CDK5RAP1: variants seen among roughly 807,000 people sequenced by gnomAD.
The protein encoded by CDK5RAP1 is mitochondrial tRNA methylthiotransferase CDK5RAP1.
A neutral mutation model predicts 64.5 loss-of-function variants in CDK5RAP1; 62 were observed. The observed-to-expected ratio is 0.96, with a 90% CI of 0.78 to 1.19. CDK5RAP1 has a LOEUF of 1.19. CDK5RAP1 is among the 50% of genes most tolerant of loss of function. The probability of loss-of-function intolerance (pLI) is 0.00; values close to 1 mark genes in which losing one functional copy is unlikely to be tolerated. For synonymous variants in CDK5RAP1, 250 were observed against 261.9 expected, an observed-to-expected ratio of 0.95 and a Z score of 0.44; for missense variants, 657 against 735.0, an observed-to-expected ratio of 0.89 and a Z score of 1.23.
intron 3 of CDK5RAP1, 106 bp downstream of exon 3, chr20:33,394,907 T>C (rs1489179161): frequency 1.4e-6 from 1 of 725,126 alleles, no homozygotes; most frequent in Admixed American, 1.9e-5. Flanking sequence ...AAGGGAACTC[T>C]CTCTCACCAG....
rs996818483 is a variant in CDK5RAP1 at position 33,358,891 on chromosome 20, C to T, written c.*152G>A. 4 of 625,436 alleles carry T rather than the reference C, an allele frequency of 6.4e-6. No individual in the cohort carries two copies. Among genetic ancestry groups the T allele is most frequent in the Non-Finnish European group, 1.1e-5 (4 of 351,018 alleles). 38.7% of individuals were successfully genotyped at this position (625,436 alleles called of 1,614,324 possible). A position where few individuals can be genotyped will look rare whatever the true frequency, so the allele number is the denominator to read the frequency against. The stretch of plus-strand genomic sequence containing the variant: ...ACTGTAAAAGCTGTTCACATAGCAG[C>T]TTTAAAGAGACACGTTTTCCACTGA... On this transcript the variant is annotated 3_prime_UTR_variant, in exon 14 of 14. Transcript: ENST00000346416.
chr20:33,381,067 C>G (rs577014680), intron 7 of CDK5RAP1, among the ~76,000 whole-genome samples: 1 of 152,134 alleles, frequency 6.6e-6, no homozygotes, highest in Non-Finnish European at 1.5e-5. Flanking sequence ...TGTTTTGTAA[C>G]TTTGACATAA....
At chr20:33,400,936 T>C (rs972214107) in intron 1 of CDK5RAP1, among the ~76,000 whole-genome samples, 2 of 152,218 alleles carry the variant, frequency 1.3e-5, no homozygotes, top group Non-Finnish European at 2.9e-5. Flanking sequence ...AGCACCTATC[T>C]CCATAAGCCT....
rs140243452 is a variant in CDK5RAP1 at position 33,382,884 on chromosome 20, G to A, written c.876+2766C>T. 8.1e-4 allele frequency among the ~76,000 whole-genome samples: 121 copies of A among 149,448 alleles called. 1 individual carries two copies. The highest frequency in any genetic ancestry group is 2.4e-3 in the African/African-American group (96 of 40,408). ...TGTCTCAAAATAAATAAATAAATAA[G>A]TAAATAAATAAATAGGCCAGGCACA... On this transcript the variant is annotated intron_variant, in intron 7 of 13. Coordinates refer to ENST00000346416, the MANE Select transcript of CDK5RAP1 (RefSeq NM_016408.4).
In CDK5RAP1 at chr20:33,370,642, G is replaced by A. The variant is rs1342463329; in HGVS notation, c.1262-13C>T. ...CTGAGGCTCACACCTGTGATACACAGCAAAGGATGACAGGTGACTGCCTGC... is the reference window on the plus strand; with the variant it reads ...CTGAGGCTCACACCTGTGATACACAACAAAGGATGACAGGTGACTGCCTGC... On this transcript the variant is annotated splice_polypyrimidine_tract_variant and intron_variant, in intron 10 of 13. Coordinates refer to ENST00000346416, the MANE Select transcript of CDK5RAP1 (RefSeq NM_016408.4). 6.2e-7 allele frequency: 1 copy of A among 1,614,028 alleles called. No individual in the cohort carries two copies. Among genetic ancestry groups the A allele is most frequent in the Admixed American group, 1.7e-5 (1 of 60,010 alleles).
rs773033615 is a variant in CDK5RAP1, at chr20:33,385,744, ATGTTGTCACAGCCTCG to A, written c.766_781del (p.Arg256CysfsTer23). ...GAAAGGAACAATGCAGTAGCTACAC[ATGTTGTCACAGCCTCG>A]CATGATTGACCTGGAGAAGAAAGTA... On this transcript the variant is annotated frameshift_variant, in exon 7 of 14. Transcript: ENST00000346416. LOFTEE classifies it high-confidence loss of function. 1.2e-6 allele frequency: 2 copies of A among 1,613,552 alleles called. No homozygotes were observed. The highest frequency in any genetic ancestry group is 8.5e-7 in the Non-Finnish European group (1 of 1,179,810).
At position 33,392,949 on chromosome 20, in the gene CDK5RAP1, G is replaced by A. The variant is rs980931121; in HGVS notation, c.444-707C>T. On this transcript the variant is annotated intron_variant, in intron 4 of 13. Transcript: ENST00000346416. ...GGCTGGAGTGCAACAGCGCGATCTC[G>A]GCTCACTGCAACCTCCAACTCCCTG... is the stretch of plus-strand genomic sequence containing the variant. Among the ~76,000 whole-genome samples the A allele has an allele frequency of 2.3e-4, 35 of 150,908 alleles. 1 individual carries two copies. The highest frequency in any genetic ancestry group is 2.1e-4 in the South Asian group (1 of 4,790).
chr20:33,376,620 T>A (rs2146638788), intron 8 of CDK5RAP1, among the ~76,000 whole-genome samples: 1 of 152,264 alleles, frequency 6.6e-6, no homozygotes, highest in Middle Eastern at 3.4e-3. Context: ...TAACACAATA[T>A]CCATTTTGCA....
chr20:33,371,853 G>A (rs1438147194), intron 10 of CDK5RAP1, among the ~76,000 whole-genome samples: 2 of 152,094 alleles, frequency 1.3e-5, no homozygotes, highest in African/African-American at 4.8e-5. Flanking sequence ...TAAACTAAAT[G>A]ACTACAGAGT....
intron 9 of CDK5RAP1, chr20:33,373,851 T>C: frequency 2.1e-6 from 1 of 470,590 alleles, no homozygotes; most frequent in Non-Finnish European, 3.8e-6. Flanking sequence ...ATACAATAAA[T>C]ACTTACTGTC....
At chr20:33,395,601 A>G (rs993446276) in intron 2 of CDK5RAP1, among the ~76,000 whole-genome samples, 2 of 152,196 alleles carry the variant, frequency 1.3e-5, no homozygotes, top group African/African-American at 4.8e-5. Context: ...CCTGTCTCAA[A>G]CAAACAAAAA....
chr20:33,377,382 C>G (rs775482210), intron 8 of CDK5RAP1, among the ~76,000 whole-genome samples: 3 of 152,220 alleles, frequency 2.0e-5, no homozygotes, highest in Non-Finnish European at 2.9e-5. Context: ...ACAGCTTCTA[C>G]ATCAGCACTA....
At chr20:33,373,401 A>G (rs1024921887) in intron 9 of CDK5RAP1, 1 of 152,286 alleles carries the variant, frequency 6.6e-6, no homozygotes, top group Non-Finnish European at 1.5e-5. Context: ...CAATCTGCCC[A>G]CCACAGTCTC....
Position 33,394,075 on chromosome 20 carries a change from A to G in CDK5RAP1, c.409-9T>C. 1 of 1,584,192 alleles carries G rather than the reference A, an allele frequency of 6.3e-7. No homozygotes were observed. The highest frequency in any genetic ancestry group is 8.7e-7 in the Non-Finnish European group (1 of 1,152,548). On this transcript the variant is annotated splice_polypyrimidine_tract_variant and intron_variant, in intron 3 of 13. Transcript: ENST00000346416. ...AGGAGAATCACATCTGCCTGAATGG[A>G]AAGAAAGGAAAACAAGGAAAATTAC...
At chr20:33,392,826 T>G (rs1988466632) in intron 4 of CDK5RAP1, among the ~76,000 whole-genome samples, 1 of 151,980 alleles carries the variant, frequency 6.6e-6, no homozygotes, top group Non-Finnish European at 1.5e-5. Context: ...TTTTTTATGA[T>G]TCCAGATCCT....
chr20:33,386,508 A>T (rs1987444493), intron 6 of CDK5RAP1, among the ~76,000 whole-genome samples: 1 of 152,218 alleles, frequency 6.6e-6, no homozygotes. Context: ...TATATAGGGC[A>T]AGGAGACCCT....
At chr20:33,369,561 C>T (rs919313442) in intron 11 of CDK5RAP1, among the ~76,000 whole-genome samples, 1 of 152,026 alleles carries the variant, frequency 6.6e-6, no homozygotes, top group Non-Finnish European at 1.5e-5. Context: ...CTAAAAGATA[C>T]ATGAATATGA....
intron 12 of CDK5RAP1, among the ~76,000 whole-genome samples, chr20:33,364,353 T>G (rs1414091759): frequency 6.6e-6 from 1 of 151,586 alleles, no homozygotes; most frequent in Admixed American, 6.6e-5. Context: ...CACACTTGGC[T>G]AATTTTTGTA....
intron 8 of CDK5RAP1, among the ~76,000 whole-genome samples, chr20:33,375,977 C>T (rs555475775): frequency 3.0e-4 from 46 of 152,298 alleles, no homozygotes; most frequent in African/African-American, 1.1e-3. Context: ...CCTGTTCCAG[C>T]GTCCCAAGTA....
Sources: gnomAD v4.1 joint callset for allele counts (sites outside exome capture counted in the v4.1 genomes callset) on GRCh38, gnomAD v4.1.1 for gene constraint, MANE v1.5 for transcripts, NCBI Gene and HGNC (gene_info 2026-07-23, HGNC 2026-07-21) for gene names.